The following JAM2 variants were observed in gnomAD, a reference collection of about 807,000 sequenced individuals.
JAM2 encodes junctional adhesion molecule 2.
In JAM2, 17 loss-of-function variants were observed where a neutral mutation model predicts 42.0. The observed-to-expected ratio is 0.40, with a 90% CI of 0.28 to 0.61. The LOEUF (loss-of-function observed/expected upper bound fraction) is 0.61. Among genes scored for constraint, JAM2 ranks in the 20% least tolerant of loss-of-function variants. The pLI is 0.37. For synonymous variants in JAM2, 118 were observed against 128.6 expected, an observed-to-expected ratio of 0.92 and a Z score of 0.56; for missense variants, 319 against 358.3, an observed-to-expected ratio of 0.89 and a Z score of 0.89.
chr21:25,702,274 G>A lies in JAM2; in HGVS notation c.697+5G>A, dbSNP rs756241637. On this transcript the variant is annotated splice_donor_5th_base_variant and intron_variant, in intron 6 of 9. Coordinates refer to ENST00000480456, the MANE Select transcript of JAM2 (RefSeq NM_021219.4). Reference sequence around the variant, plus strand: ...CTGGGAAACGAATGCAAGTAGGTAAGCATGAAATATTGGGAGGAACAAATG... The same window carrying A: ...CTGGGAAACGAATGCAAGTAGGTAAACATGAAATATTGGGAGGAACAAATG... 7 of 1,569,192 alleles carry A rather than the reference G, an allele frequency of 4.5e-6. No individual in the cohort carries two copies. Among genetic ancestry groups the A allele is most frequent in the South Asian group, 2.3e-5 (2 of 87,342 alleles).
chr21:25,645,301 G>A (rs2032576082), intron 1 of JAM2, among the ~76,000 whole-genome samples: 2 of 152,246 alleles, frequency 1.3e-5, no homozygotes, highest in Admixed American at 6.5e-5. Flanking sequence ...GTTAACACCT[G>A]TATTATGTCA....
intron 1 of JAM2, among the ~76,000 whole-genome samples, chr21:25,663,582 G>A (rs1051347690): frequency 6.6e-6 from 1 of 152,080 alleles, no homozygotes; most frequent in Non-Finnish European, 1.5e-5. Context: ...AGGAATTAAT[G>A]AGTTATCATA....
chr21:25,640,116 G>T lies in JAM2; in HGVS notation c.67+228G>T, dbSNP rs2032389498. ...TTTCTTGTGAATTGCGTCTGATTTT[G>T]TCAGTTCTAGATACAGAAAATTAAG... On this transcript the variant is annotated intron_variant, in intron 1 of 9. Transcript: ENST00000480456. 2.0e-5 allele frequency among the ~76,000 whole-genome samples: 3 copies of T among 152,340 alleles called. No individual in the cohort carries two copies. The South Asian group carries it at 6.2e-4, about 32-fold the overall frequency.
intron 1 of JAM2, among the ~76,000 whole-genome samples, chr21:25,649,328 C>A (rs2032705269): frequency 6.6e-6 from 1 of 152,196 alleles, no homozygotes; most frequent in South Asian, 2.1e-4. Flanking sequence ...AGGAAACTTA[C>A]AATCATGGCA....
At chr21:25,669,447 A>G (rs979209863) in intron 1 of JAM2, among the ~76,000 whole-genome samples, 3 of 152,182 alleles carry the variant, frequency 2.0e-5, no homozygotes, top group South Asian at 2.1e-4. Context: ...TTCATTTTTC[A>G]TAGAACATCC....
Position 25,702,152 on chromosome 21 carries a change from T to C in JAM2, c.598-18T>C. ...AGATCTATGGCTTAAAAAAATATAT[T>C]TTTGCATCCACAAATAGCAATTTAA... On this transcript the variant is annotated intron_variant, in intron 5 of 9. Coordinates refer to ENST00000480456, the MANE Select transcript of JAM2 (RefSeq NM_021219.4). 7.3e-7 allele frequency: 1 copy of C among 1,376,096 alleles called. No individual in the cohort carries two copies. Among genetic ancestry groups the C allele is most frequent in the South Asian group, 1.4e-5 (1 of 73,716 alleles). The allele number at this position is 1,376,096 out of a possible 1,614,324, so 85.2% of individuals were successfully genotyped here.
intron 7 of JAM2, among the ~76,000 whole-genome samples, chr21:25,707,213 G>A (rs2034290586): frequency 6.6e-6 from 1 of 152,164 alleles, no homozygotes; most frequent in South Asian, 2.1e-4. Flanking sequence ...TGGGTGTGGT[G>A]GCTCATGCCT....
At chr21:25,709,108 C>G (rs2034331760) in intron 7 of JAM2, among the ~76,000 whole-genome samples, 1 of 151,916 alleles carries the variant, frequency 6.6e-6, no homozygotes, top group African/African-American at 2.4e-5. Flanking sequence ...ATTTCTCTAA[C>G]TAGTAGGCCT....
intron 1 of JAM2, among the ~76,000 whole-genome samples, chr21:25,674,382 G>A (rs757982452): frequency 6.6e-5 from 10 of 152,016 alleles, no homozygotes; most frequent in Admixed American, 3.9e-4. Flanking sequence ...GTGACAGAGC[G>A]AGACTCTGCC....
rs951496306 is a variant in JAM2, at chr21:25,714,986, A to G, written c.*314A>G. Reference sequence around the variant, plus strand: ...AGAGAACGTTACTAAAATATAACATACTGATTGTGAAGTCAATCCACAGGT... The same window carrying G: ...AGAGAACGTTACTAAAATATAACATGCTGATTGTGAAGTCAATCCACAGGT... On this transcript the variant is annotated 3_prime_UTR_variant, in exon 10 of 10. Transcript: ENST00000480456. 2 of 212,718 alleles carry G rather than the reference A, an allele frequency of 9.4e-6. No individual in the cohort carries two copies. Among genetic ancestry groups the G allele is most frequent in the African/African-American group, 4.5e-5 (2 of 43,960 alleles). 13.2% of individuals were successfully genotyped at this position (212,718 alleles called of 1,614,324 possible).
intron 6 of JAM2, among the ~76,000 whole-genome samples, chr21:25,704,172 CT>C (rs2034225193): frequency 6.6e-6 from 1 of 151,992 alleles, no homozygotes; most frequent in African/African-American, 2.4e-5. Context: ...AGGAATTTCA[CT>C]TACTGATTTG....
rs761489000 is a variant in JAM2, at chr21:25,639,852, C to G, written c.31C>G (p.Leu11Val). 1.1e-5 allele frequency: 18 copies of G among 1,582,524 alleles called. No individual in the cohort carries two copies. The East Asian group carries it at 4.1e-4, about 36-fold the overall frequency. Residue 11 changes from leucine to valine, a missense_variant, in exon 1 of 10, where the codon CTG (leucine) becomes GTG (valine). By Grantham distance (32) the Leu-to-Val change is conservative (BLOSUM62 1). Transcript: ENST00000480456. Reference protein sequence around the residue: MARRSRHRLLLLLLRYLVVAL... With the variant: MARRSRHRLLVLLLRYLVVAL... ...GAGGAGGAGCCGCCACCGCCTCCTC[C>G]TGCTGCTGCTGCGCTACCTGGTGGT...
chr21:25,711,072 T>G (rs1211225733), intron 8 of JAM2, among the ~76,000 whole-genome samples: 1 of 152,210 alleles, frequency 6.6e-6, no homozygotes, highest in Non-Finnish European at 1.5e-5. Context: ...GCTTCAAGGT[T>G]ATGAGAAGGA....
At chr21:25,697,372 C>A (rs2034062000) in intron 4 of JAM2, among the ~76,000 whole-genome samples, 1 of 152,132 alleles carries the variant, frequency 6.6e-6, no homozygotes, top group East Asian at 1.9e-4. Context: ...CCAAGGACTG[C>A]AATCTTGGGA....
In JAM2 at chr21:25,689,844, G is replaced by A. The variant is rs373837438; in HGVS notation, c.134-22G>A. ...ATTCATGGGGACAATTAGAAAACAA[G>A]TATTTTTATTGTTGTTCCTAGAGGC... On this transcript the variant is annotated intron_variant, in intron 2 of 9. Coordinates refer to ENST00000480456, the MANE Select transcript of JAM2 (RefSeq NM_021219.4). 5 of 1,453,602 alleles carry A rather than the reference G, an allele frequency of 3.4e-6. No individual in the cohort carries two copies. The African/African-American group carries it at 5.6e-5, about 16-fold the overall frequency. 90.0% of individuals were successfully genotyped at this position (1,453,602 alleles called of 1,614,324 possible).
chr21:25,672,762 C>A (rs1183159280), intron 1 of JAM2, among the ~76,000 whole-genome samples: 1 of 152,180 alleles, frequency 6.6e-6, no homozygotes, highest in Non-Finnish European at 1.5e-5. Context: ...TCTCTCTTTG[C>A]CATTACGCCA....
chr21:25,659,581 T>C (rs1345568656), intron 1 of JAM2, among the ~76,000 whole-genome samples: 4 of 152,162 alleles, frequency 2.6e-5, no homozygotes, highest in Non-Finnish European at 2.9e-5. Flanking sequence ...GATTTCTAAT[T>C]AGGGTTCAGG....
At chr21:25,652,729 A>G (rs1600994678) in intron 1 of JAM2, among the ~76,000 whole-genome samples, 1 of 152,306 alleles carries the variant, frequency 6.6e-6, no homozygotes, top group East Asian at 1.9e-4. Context: ...GTTCTATCTG[A>G]TTTGGAAATG....
At chr21:25,697,832 C>T (rs543205066) in intron 4 of JAM2, among the ~76,000 whole-genome samples, 2 of 151,654 alleles carry the variant, frequency 1.3e-5, no homozygotes, top group African/African-American at 2.4e-5. Flanking sequence ...GGGTTGAGCT[C>T]GGGAGGTTGA....
Sources: allele counts gnomAD v4.1 joint callset (sites outside exome capture counted in the v4.1 genomes callset), GRCh38; gene constraint gnomAD v4.1.1; transcripts MANE v1.5; gene names NCBI Gene and HGNC (gene_info 2026-07-23, HGNC 2026-07-21).